LRP1B: variants seen among roughly 807,000 people sequenced by gnomAD.
The protein encoded by LRP1B is LDL receptor related protein 1B, also known as low-density lipoprotein receptor-related protein 1B.
Under a neutral mutation model 556.6 loss-of-function variants are expected in LRP1B, and 217 were observed. The ratio of observed to expected loss-of-function variants is 0.39; its 90% CI spans 0.35 to 0.44. LRP1B has a LOEUF of 0.44. LRP1B is among the 20% of genes least tolerant of loss of function. LRP1B has a pLI of 1.00. For synonymous variants in LRP1B, 2,047 were observed against 1,865.8 expected, an observed-to-expected ratio of 1.10 and a Z score of -2.50; for missense variants, 5,053 against 5,620.8, an observed-to-expected ratio of 0.90 and a Z score of 3.23.
chr2:141,666,518 C>A (rs1027503049), intron 2 of LRP1B, among the ~76,000 whole-genome samples: 8 of 152,150 alleles, frequency 5.3e-5, no homozygotes, highest in Admixed American at 5.2e-4. Flanking sequence ...ACTGATTTCT[C>A]CACATTACCT....
At chr2:142,018,250 A>G (rs1559025195) in intron 1 of LRP1B, among the ~76,000 whole-genome samples, 2 of 152,194 alleles carry the variant, frequency 1.3e-5, no homozygotes, top group South Asian at 4.1e-4. Context: ...TTGATATTTA[A>G]ATCATGCTGT....
intron 14 of LRP1B, among the ~76,000 whole-genome samples, chr2:141,011,049 C>T (rs951100053): frequency 4.2e-4 from 58 of 139,750 alleles, no homozygotes; most frequent in Admixed American, 1.8e-3. Flanking sequence ...ATATAAATAA[C>T]ATCATATAAT....
At chr2:142,073,391 A>G (rs1343666103) in intron 1 of LRP1B, among the ~76,000 whole-genome samples, 1 of 152,206 alleles carries the variant, frequency 6.6e-6, no homozygotes, top group East Asian at 1.9e-4. Flanking sequence ...TCATACAGTA[A>G]AGGTCCTTCA....
intron 43 of LRP1B, among the ~76,000 whole-genome samples, 198 bp downstream of exon 43, chr2:140,598,433 A>C (rs1212664394): frequency 6.6e-6 from 1 of 152,176 alleles, no homozygotes; most frequent in East Asian, 1.9e-4. Flanking sequence ...TATGGTAGCA[A>C]ATGCATTTGA....
At chr2:141,975,272 T>C (rs574716927) in intron 1 of LRP1B, among the ~76,000 whole-genome samples, 1 of 152,220 alleles carries the variant, frequency 6.6e-6, no homozygotes, top group South Asian at 2.1e-4. Flanking sequence ...AAAATGTAAT[T>C]TGCCTTCTAA....
At chr2:140,862,919 T>C (rs920821290) in intron 27 of LRP1B, among the ~76,000 whole-genome samples, 6 of 152,166 alleles carry the variant, frequency 3.9e-5, no homozygotes, top group Non-Finnish European at 7.4e-5. Context: ...ATATATCTTA[T>C]CCTACACTCC....
intron 3 of LRP1B, among the ~76,000 whole-genome samples, chr2:141,372,026 TGA>T (rs1689245464): frequency 6.6e-6 from 1 of 152,072 alleles, no homozygotes; most frequent in Non-Finnish European, 1.5e-5. Flanking sequence ...GCCTTTATGT[TGA>T]GTTATGTTTC....
At chr2:142,098,308 C>T (rs1839324) in intron 1 of LRP1B, among the ~76,000 whole-genome samples, 100,960 of 151,492 alleles carry the variant, frequency 0.67, 33,790 homozygotes, top group East Asian at 0.71. Context: ...TTTGTTGATG[C>T]TTTTAAATAA....
intron 1 of LRP1B, among the ~76,000 whole-genome samples, chr2:141,892,874 A>G (rs1444858666): frequency 6.6e-6 from 1 of 152,188 alleles, no homozygotes; most frequent in Non-Finnish European, 1.5e-5. Context: ...TTGCATGTAA[A>G]TTGAGAAATT....
At chr2:141,020,314 C>T (rs1391789658) in intron 11 of LRP1B, among the ~76,000 whole-genome samples, 6 of 151,478 alleles carry the variant, frequency 4.0e-5, no homozygotes, top group African/African-American at 1.5e-4. Flanking sequence ...AATAATAGGC[C>T]CTCTCTCAAT....
In LRP1B at chr2:140,385,884, GTTAC is replaced by G. The variant is rs1370032874; in HGVS notation, c.10531+5_10531+8del. On this transcript the variant is annotated splice_donor_5th_base_variant and intron_variant, in intron 67 of 90. Coordinates refer to ENST00000389484, the MANE Select transcript of LRP1B (RefSeq NM_018557.3). ...AAGCTCAAAACATTATTAGGCAAGAGTTACTTACTACAGTTTTCTTCATCTGAAT... is the reference window on the plus strand; with the variant it reads ...AAGCTCAAAACATTATTAGGCAAGAGTTACTACAGTTTTCTTCATCTGAAT... 3 of 1,568,366 alleles carry G rather than the reference GTTAC, an allele frequency of 1.9e-6. No homozygotes were observed. The highest frequency in any genetic ancestry group is 1.4e-5 in the African/African-American group (1 of 73,852).
chr2:141,075,105 A>G (rs1699752789), intron 7 of LRP1B, among the ~76,000 whole-genome samples: 1 of 152,184 alleles, frequency 6.6e-6, no homozygotes, highest in South Asian at 2.1e-4. Context: ...TACTTTATGT[A>G]AGCAACCTGA....
intron 6 of LRP1B, among the ~76,000 whole-genome samples, chr2:141,196,170 A>G (rs1234089155): frequency 6.6e-6 from 1 of 152,084 alleles, no homozygotes; most frequent in African/African-American, 2.4e-5. Context: ...TCTATCATAC[A>G]GTAAATGTGC....
chr2:140,543,036 G>T (rs1177685006), intron 43 of LRP1B, among the ~76,000 whole-genome samples: 2 of 152,114 alleles, frequency 1.3e-5, no homozygotes, highest in African/African-American at 2.4e-5. Flanking sequence ...CGCAGGGTCT[G>T]CCTTAGCAGT....
chr2:141,351,330 T>G (rs1052036452), intron 3 of LRP1B, among the ~76,000 whole-genome samples: 2 of 152,078 alleles, frequency 1.3e-5, no homozygotes, highest in African/African-American at 4.8e-5. Flanking sequence ...TGTATTATTG[T>G]ATGAAACTAC....
chr2:140,519,132 A>G (rs1177183097), intron 49 of LRP1B, among the ~76,000 whole-genome samples: 1 of 152,156 alleles, frequency 6.6e-6, no homozygotes, highest in East Asian at 1.9e-4. Context: ...TATGGAACCA[A>G]AATAGAGCCC....
Position 140,401,384 on chromosome 2 carries a change from T to G in LRP1B, c.10415-15375A>C, listed in dbSNP as rs190700895. Among the ~76,000 whole-genome samples the G allele has an allele frequency of 1.2e-4, 18 of 152,310 alleles. No homozygotes were observed. In the East Asian group the frequency reaches 3.5e-3, roughly 29 times the overall value. ...TGCATGGAATCTGGGTGAGGCTTCCTGCTGCCTGCTATTCCCCATTCCTTG... is the reference window on the plus strand; with the variant it reads ...TGCATGGAATCTGGGTGAGGCTTCCGGCTGCCTGCTATTCCCCATTCCTTG... On this transcript the variant is annotated intron_variant, in intron 66 of 90. Transcript: ENST00000389484.
intron 3 of LRP1B, among the ~76,000 whole-genome samples, chr2:141,424,841 A>G (rs186858965): frequency 6.6e-6 from 1 of 152,320 alleles, no homozygotes; most frequent in Non-Finnish European, 1.5e-5. Flanking sequence ...CTTTGGGATA[A>G]CCTTGTAGTG....
At chr2:142,019,092 T>A (rs1703247790) in intron 1 of LRP1B, among the ~76,000 whole-genome samples, 2 of 152,220 alleles carry the variant, frequency 1.3e-5, no homozygotes, top group African/African-American at 4.8e-5. Flanking sequence ...CAGAACTTTT[T>A]TAGCTAGCCT....
Sources: gnomAD v4.1 joint callset for allele counts (sites outside exome capture counted in the v4.1 genomes callset) on GRCh38, gnomAD v4.1.1 for gene constraint, MANE v1.5 for transcripts, NCBI Gene and HGNC (gene_info 2026-07-23, HGNC 2026-07-21) for gene names.